SPHKAP: variants seen among roughly 807,000 people sequenced by gnomAD.
SPHKAP encodes A-kinase anchor protein SPHKAP.
Under a neutral mutation model 137.5 loss-of-function variants are expected in SPHKAP, and 67 were observed. The ratio of observed to expected loss-of-function variants is 0.49; its 90% CI spans 0.40 to 0.60. SPHKAP has a LOEUF of 0.60. Ranked by LOEUF, SPHKAP falls within the 20% of genes least tolerant of loss-of-function variation. The pLI is 0.00. For synonymous variants in SPHKAP, 813 were observed against 785.3 expected (o/e 1.04, Z -0.59); for missense variants, 2,097 against 2,069.3 (o/e 1.01, Z -0.26).
chr2:228,050,618 T>C (rs545006264), intron 3 of SPHKAP, among the ~76,000 whole-genome samples: 46 of 152,318 alleles, frequency 3.0e-4, no homozygotes, highest in African/African-American at 1.1e-3. Context: ...CTTCAATATT[T>C]ATATTTTGTT....
chr2:228,060,057 T>C (rs544490262), intron 3 of SPHKAP, among the ~76,000 whole-genome samples: 3 of 152,320 alleles, frequency 2.0e-5, no homozygotes, highest in African/African-American at 7.2e-5. Context: ...AACTAAAAGT[T>C]TGAAGACAAT....
chr2:228,165,685 C>T (rs1397427636), intron 1 of SPHKAP, among the ~76,000 whole-genome samples: 1 of 152,156 alleles, frequency 6.6e-6, no homozygotes, highest in Non-Finnish European at 1.5e-5. Flanking sequence ...AAAGTGATTG[C>T]AAATTATCCC....
At chr2:228,133,467 A>G (rs1336974892) in intron 1 of SPHKAP, among the ~76,000 whole-genome samples, 1 of 152,214 alleles carries the variant, frequency 6.6e-6, no homozygotes, top group Non-Finnish European at 1.5e-5. Flanking sequence ...TCTAAATGTT[A>G]TATGCATTTC....
In SPHKAP at chr2:228,016,477, A is replaced by T. The variant is rs779678251; in HGVS notation, c.4377T>A (p.His1459Gln). ...KSSLLEEAEG[H>Q]SNDKNIPDVV... The stretch of plus-strand genomic sequence containing the variant: ...CATCTGGGATGTTTTTGTCATTCGA[A>T]TGCCCTTCTGCTTCCTCTAGGAGGC... Residue 1459 changes from histidine (H) to glutamine (Q), a missense_variant, in exon 7 of 12, where the codon CAT (histidine) becomes CAA (glutamine). Transcript: ENST00000392056. 6.2e-7 allele frequency: 1 copy of T among 1,612,924 alleles called. No individual in the cohort carries two copies. The highest frequency in any genetic ancestry group is 1.7e-5 in the Admixed American group (1 of 59,720).
At chr2:228,030,062 C>A (rs184264080) in intron 3 of SPHKAP, among the ~76,000 whole-genome samples, 2 of 152,286 alleles carry the variant, frequency 1.3e-5, no homozygotes, top group East Asian at 1.9e-4. Context: ...GGAGGACACT[C>A]TCCACATTTG....
At chr2:228,162,757 G>A (rs932463252) in intron 1 of SPHKAP, among the ~76,000 whole-genome samples, 3 of 152,066 alleles carry the variant, frequency 2.0e-5, no homozygotes, top group South Asian at 2.1e-4. Context: ...GGAGTGCAAT[G>A]GCGCAATCTT....
intron 3 of SPHKAP, among the ~76,000 whole-genome samples, chr2:228,069,449 C>CTTTCT (rs1559156838): frequency 7.8e-6 from 1 of 128,110 alleles, no homozygotes; most frequent in South Asian, 2.6e-4. Flanking sequence ...TTCTTTCTTT[C>CTTTCT]TTTTTTTTTT....
chr2:228,143,784 G>A (rs140691701), intron 1 of SPHKAP, among the ~76,000 whole-genome samples: 4 of 148,376 alleles, frequency 2.7e-5, no homozygotes, highest in African/African-American at 9.9e-5. Context: ...GGGATTACAA[G>A]CGTGAGCCAC....
intron 5 of SPHKAP, 36 bp from the exon 6 acceptor site, chr2:228,022,002 A>T: frequency 6.5e-7 from 1 of 1,537,640 alleles, no homozygotes; most frequent in Non-Finnish European, 8.7e-7. Context: ...TTTATTCAAA[A>T]GGGAAAATAA....
chr2:228,092,066 T>G (rs1489005897), intron 3 of SPHKAP, among the ~76,000 whole-genome samples: 1 of 151,068 alleles, frequency 6.6e-6, no homozygotes, highest in Non-Finnish European at 1.5e-5. Context: ...GCAACATATA[T>G]ATGTCTATAT....
At chr2:228,086,537 T>C (rs547385242) in intron 3 of SPHKAP, among the ~76,000 whole-genome samples, 34 of 152,240 alleles carry the variant, frequency 2.2e-4, no homozygotes, top group Non-Finnish European at 4.9e-4. Flanking sequence ...TTTTTTCATA[T>C]AGGTCCTACC....
At chr2:228,120,167 T>C (rs1258959760) in intron 2 of SPHKAP, among the ~76,000 whole-genome samples, 1 of 152,118 alleles carries the variant, frequency 6.6e-6, no homozygotes, top group Non-Finnish European at 1.5e-5. Context: ...TTCTCTCCTT[T>C]TACTGTGAAG....
At chr2:228,001,262 C>T (rs12694762) in intron 7 of SPHKAP, among the ~76,000 whole-genome samples, 100,891 of 141,924 alleles carry the variant, frequency 0.71, 36,342 homozygotes, top group African/African-American at 0.82. Context: ...CACACACACA[C>T]ATATATAAAT....
chr2:228,027,758 G>A (rs1695101515), intron 3 of SPHKAP, among the ~76,000 whole-genome samples: 1 of 151,970 alleles, frequency 6.6e-6, no homozygotes, highest in African/African-American at 2.4e-5. Flanking sequence ...ACGAGGTCAG[G>A]AGATCGAGAC....
At chr2:228,135,676 G>T (rs533887149) in intron 1 of SPHKAP, among the ~76,000 whole-genome samples, 1 of 152,228 alleles carries the variant, frequency 6.6e-6, no homozygotes, top group African/African-American at 2.4e-5. Context: ...GATGCCATTT[G>T]TTCTAATGCT....
At chr2:228,042,293 A>G (rs1426163769) in intron 3 of SPHKAP, among the ~76,000 whole-genome samples, 1 of 152,154 alleles carries the variant, frequency 6.6e-6, no homozygotes, top group Non-Finnish European at 1.5e-5. Flanking sequence ...CAACTATTTA[A>G]TCAAAATCTC....
intron 1 of SPHKAP, among the ~76,000 whole-genome samples, chr2:228,146,963 T>C (rs1421382263): frequency 6.6e-6 from 1 of 152,242 alleles, no homozygotes; most frequent in Non-Finnish European, 1.5e-5. Context: ...AATGTTAATA[T>C]GTACCAATCT....
chr2:227,991,294 C>G lies in SPHKAP; in HGVS notation c.4754G>C (p.Gly1585Ala). ...CTTACCCTCTGTGCTTTCTGACTGT[C>G]CTTTAAGAATCTTCTTTTCTTCTAC... ...ELVEEKKILK[G>A]QSESTEAPAS... Residue 1585 changes from glycine to alanine, a missense_variant, in exon 10 of 12, where the codon GGA (glycine) becomes GCA (alanine). Physicochemically the swap from Gly to Ala is moderately conservative, Grantham distance 60. Transcript: ENST00000392056. 2 of 1,614,170 alleles carry G rather than the reference C, an allele frequency of 1.2e-6. No individual in the cohort carries two copies. Among genetic ancestry groups the G allele is most frequent in the Non-Finnish European group, 1.7e-6 (2 of 1,180,004 alleles).
intron 3 of SPHKAP, among the ~76,000 whole-genome samples, chr2:228,034,706 G>A (rs931609806): frequency 5.3e-5 from 8 of 152,206 alleles, no homozygotes; most frequent in Admixed American, 5.2e-4. Flanking sequence ...TTCATCCCTG[G>A]GATGCAAGGC....
Sources: allele counts gnomAD v4.1 joint callset (sites outside exome capture counted in the v4.1 genomes callset), GRCh38; gene constraint gnomAD v4.1.1; transcripts MANE v1.5; gene names NCBI Gene and HGNC (gene_info 2026-07-23, HGNC 2026-07-21).